Variants in RABGAP1 observed in about 807,000 individuals in gnomAD.
RABGAP1 encodes the protein RAB GTPase activating protein 1.
Under a neutral mutation model 137.6 loss-of-function variants are expected in RABGAP1, and 23 were observed. That is an observed-to-expected ratio of 0.17 (90% CI 0.12 to 0.24). RABGAP1 has a LOEUF of 0.24. Among genes scored for constraint, RABGAP1 ranks in the 10% least tolerant of loss-of-function variants. The pLI is 1.00. For synonymous variants in RABGAP1, 451 were observed against 450.7 expected, an observed-to-expected ratio of 1.00 and a Z score of -0.01; for missense variants, 906 against 1,275.8, an observed-to-expected ratio of 0.71 and a Z score of 4.42.
At chr9:122,994,456 T>G (rs1244349161) in intron 6 of RABGAP1, among the ~76,000 whole-genome samples, 1 of 152,260 alleles carries the variant, frequency 6.6e-6, no homozygotes, top group African/African-American at 2.4e-5. Flanking sequence ...TTTAACAGTT[T>G]GATATGCAAA....
chr9:122,962,677 A>G (rs1401119802), intron 2 of RABGAP1, among the ~76,000 whole-genome samples: 1 of 152,168 alleles, frequency 6.6e-6, no homozygotes, highest in Non-Finnish European at 1.5e-5. Context: ...TAGAGGCACA[A>G]AAAAGATAAG....
chr9:123,004,258 C>A (rs1006381293), intron 10 of RABGAP1, among the ~76,000 whole-genome samples: 3 of 152,020 alleles, frequency 2.0e-5, no homozygotes, highest in African/African-American at 7.2e-5. Flanking sequence ...GGGGGTGACG[C>A]TTTGGCAACT....
At chr9:123,050,580 A>T (rs1434897935) in intron 13 of RABGAP1, among the ~76,000 whole-genome samples, 1 of 152,248 alleles carries the variant, frequency 6.6e-6, no homozygotes, top group Non-Finnish European at 1.5e-5. Flanking sequence ...TTCAGAGCTA[A>T]ATTAAGATGA....
intron 14 of RABGAP1, among the ~76,000 whole-genome samples, chr9:123,069,998 T>A (rs1017293620): frequency 6.6e-6 from 1 of 152,184 alleles, no homozygotes; most frequent in African/African-American, 2.4e-5. Flanking sequence ...GAAATAAGTT[T>A]GGTGCCTGAA....
chr9:123,098,111 T>C (rs1395307213), intron 22 of RABGAP1, among the ~76,000 whole-genome samples: 6 of 152,232 alleles, frequency 3.9e-5, no homozygotes, highest in Non-Finnish European at 8.8e-5. Context: ...GGGGGTAGAA[T>C]TCCTGCAGAA....
At chr9:123,019,173 C>A (rs541512474) in intron 12 of RABGAP1, among the ~76,000 whole-genome samples, 1 of 152,070 alleles carries the variant, frequency 6.6e-6, no homozygotes, top group African/African-American at 2.4e-5. Context: ...CCAAAGATTT[C>A]GATAACTTGT....
upstream of RABGAP1, among the ~76,000 whole-genome samples, chr9:122,936,989 A>C (rs2131552265): frequency 6.6e-6 from 1 of 152,340 alleles, no homozygotes; most frequent in African/African-American, 2.4e-5. Context: ...TCTTATTTTC[A>C]GATTCACCAC....
chr9:123,078,089 A>T (rs562399641), intron 19 of RABGAP1, among the ~76,000 whole-genome samples: 1 of 152,302 alleles, frequency 6.6e-6, no homozygotes, highest in Admixed American at 6.5e-5. Flanking sequence ...CATAGTGGAT[A>T]TGATTTTGGG....
intron 13 of RABGAP1, among the ~76,000 whole-genome samples, chr9:123,025,338 A>T (rs1053544010): frequency 3.3e-5 from 5 of 152,174 alleles, no homozygotes; most frequent in African/African-American, 1.2e-4. Flanking sequence ...TTTGTTTTCT[A>T]TCTCATACCT....
rs1442023157 is a variant in RABGAP1 at position 123,081,285 on chromosome 9, T to TA, written c.2424+4524dup. On this transcript the variant is annotated intron_variant, in intron 19 of 25. Coordinates refer to ENST00000373647, the MANE Select transcript of RABGAP1 (RefSeq NM_012197.4). The stretch of plus-strand genomic sequence containing the variant: ...AGTAAATTCTGGGGGAGTCAGAAGT[T>TA]ACACGTGGATTTTCAGGTGCGCAGG... Among the ~76,000 whole-genome samples the TA allele has an allele frequency of 2.0e-5, 3 of 152,358 alleles. No individual in the cohort carries two copies. The East Asian group carries it at 5.8e-4, about 29-fold the overall frequency.
chr9:123,006,774 A>G (rs1436028822), intron 10 of RABGAP1, among the ~76,000 whole-genome samples: 1 of 151,748 alleles, frequency 6.6e-6, no homozygotes, highest in East Asian at 1.9e-4. Flanking sequence ...CGCCTGGCTA[A>G]TTTTTTGCAT....
chr9:122,956,355 AC>A (rs1247550404), intron 1 of RABGAP1, among the ~76,000 whole-genome samples: 1 of 151,586 alleles, frequency 6.6e-6, no homozygotes, highest in Non-Finnish European at 1.5e-5. Flanking sequence ...TTGTGCCCTC[AC>A]AATAACTAAG....
chr9:123,011,156 C>T (rs558117318), intron 11 of RABGAP1, among the ~76,000 whole-genome samples: 12 of 151,862 alleles, frequency 7.9e-5, no homozygotes, highest in Non-Finnish European at 1.8e-4. Context: ...ACCAGGGCTT[C>T]GAATTTAATG....
rs116014276 is a variant in RABGAP1, at chr9:123,053,064, T to C, written c.1795-12284T>C. Among the ~76,000 whole-genome samples, 409 of 152,368 alleles carry C rather than the reference T, an allele frequency of 2.7e-3. 2 individuals carry two copies. Among genetic ancestry groups the C allele is most frequent in the African/African-American group, 9.5e-3 (396 of 41,594 alleles). On this transcript the variant is annotated intron_variant, in intron 13 of 25. Transcript: ENST00000373647. ...TACACACCTTCATTTTATTTTGTCA[T>C]AATTCTTGTGAGGCATTCCTTAGAT...
At chr9:123,030,632 G>T (rs1322883270) in intron 13 of RABGAP1, among the ~76,000 whole-genome samples, 1 of 152,052 alleles carries the variant, frequency 6.6e-6, no homozygotes, top group African/African-American at 2.4e-5. Flanking sequence ...TCAGATCATG[G>T]TAATTGTGCA....
At chr9:123,024,598 C>T (rs561128785) in intron 13 of RABGAP1, among the ~76,000 whole-genome samples, 12 of 152,162 alleles carry the variant, frequency 7.9e-5, no homozygotes, top group African/African-American at 2.9e-4. Context: ...TGCCACCGTG[C>T]CTGGCTAATT....
intron 13 of RABGAP1, among the ~76,000 whole-genome samples, chr9:123,057,608 A>G (rs1274838119): frequency 6.9e-5 from 10 of 145,306 alleles, no homozygotes; most frequent in Non-Finnish European, 1.5e-4. Context: ...ATCCCAGACG[A>G]TGGGCGGCCA....
intron 10 of RABGAP1, among the ~76,000 whole-genome samples, chr9:122,999,973 A>G (rs1473006431): frequency 6.6e-6 from 1 of 151,262 alleles, no homozygotes; most frequent in East Asian, 1.9e-4. Context: ...TTTTAAAAAC[A>G]TTTTCTATAT....
At chr9:123,043,498 A>G (rs1772617025) in intron 13 of RABGAP1, among the ~76,000 whole-genome samples, 1 of 152,196 alleles carries the variant, frequency 6.6e-6, no homozygotes, top group South Asian at 2.1e-4. Context: ...TAACTTCAGA[A>G]AAAAATAGAA....
Sources: gnomAD v4.1 joint callset for allele counts (sites outside exome capture counted in the v4.1 genomes callset) on GRCh38, gnomAD v4.1.1 for gene constraint, MANE v1.5 for transcripts, NCBI Gene and HGNC (gene_info 2026-07-23, HGNC 2026-07-21) for gene names.